Variants in MYO19 observed in about 807,000 individuals in gnomAD.
MYO19 encodes the protein unconventional myosin-XIX.
In MYO19, 132 loss-of-function variants were observed where a neutral mutation model predicts 129.2. The ratio of observed to expected loss-of-function variants is 1.02; its 90% CI spans 0.89 to 1.18. The LOEUF (loss-of-function observed/expected upper bound fraction) is 1.18. MYO19 is among the 50% of genes most tolerant of loss of function. The pLI is 0.00. For synonymous variants in MYO19, 531 were observed against 477.2 expected (o/e 1.11, Z -1.47); for missense variants, 1,210 against 1,216.7 (o/e 0.99, Z 0.08).
At chr17:36,504,780 G>C (rs1196785177) in intron 19 of MYO19, 3 of 203,730 alleles carry the variant, frequency 1.5e-5, no homozygotes, top group Middle Eastern at 4.1e-3. Context: ...AGGTGTGGTG[G>C]TGCATACCTG....
rs754700889 is a variant in MYO19, at chr17:36,498,257, A to G, written c.2757+9T>C. 1.9e-6 allele frequency: 3 copies of G among 1,603,320 alleles called. No homozygotes were observed. The highest frequency in any genetic ancestry group is 8.5e-7 in the Non-Finnish European group (1 of 1,173,344). On this transcript the variant is annotated intron_variant, in intron 25 of 25. Coordinates refer to ENST00000614623, the MANE Select transcript of MYO19 (RefSeq NM_001163735.2). Reference sequence around the variant, plus strand: ...AACAAAGCTGTCATGGCCATCACACACAACGTACCTGAGGCAGCGCTCGGA... The same window carrying G: ...AACAAAGCTGTCATGGCCATCACACGCAACGTACCTGAGGCAGCGCTCGGA...
intron 2 of MYO19, 64 bp from the exon 3 acceptor site, chr17:36,532,745 C>G: frequency 1.6e-6 from 1 of 622,722 alleles, no homozygotes; most frequent in South Asian, 2.0e-5. Flanking sequence ...GTGACTCACT[C>G]ACTCCTTCCC....
At chr17:36,524,136 G>A (rs1397295422) in intron 6 of MYO19, among the ~76,000 whole-genome samples, 2 of 152,154 alleles carry the variant, frequency 1.3e-5, no homozygotes, top group South Asian at 2.1e-4. Flanking sequence ...ACAAGGCTTC[G>A]TTGAGAAGCT....
chr17:36,532,772 C>G (rs554580171), intron 2 of MYO19, 91 bp from the exon 3 acceptor site: 1 of 595,440 alleles, frequency 1.7e-6, no homozygotes, highest in South Asian at 2.0e-5. Context: ...CAGAAGCAAC[C>G]AAAATGAGAT....
At chr17:36,521,954 C>G (rs1198392555) in intron 6 of MYO19, among the ~76,000 whole-genome samples, 1 of 149,316 alleles carries the variant, frequency 6.7e-6, no homozygotes, top group Non-Finnish European at 1.5e-5. Flanking sequence ...TTGCTTGAAC[C>G]CGGGAGGCGG....
intron 21 of MYO19, among the ~76,000 whole-genome samples, chr17:36,502,212 C>T (rs1391593896): frequency 6.6e-6 from 1 of 152,138 alleles, no homozygotes; most frequent in African/African-American, 2.4e-5. Context: ...GGCCCTGTGG[C>T]TCCCACAGCC....
chr17:36,516,742 ATTGT>A (rs2072777717), intron 6 of MYO19, among the ~76,000 whole-genome samples: 1 of 152,194 alleles, frequency 6.6e-6, no homozygotes, highest in Non-Finnish European at 1.5e-5. Flanking sequence ...TTAACTTCTA[ATTGT>A]TTGTGGCTAG....
At chr17:36,519,741 T>C (rs2073026141) in intron 6 of MYO19, among the ~76,000 whole-genome samples, 1 of 152,136 alleles carries the variant, frequency 6.6e-6, no homozygotes, top group Non-Finnish European at 1.5e-5. Flanking sequence ...CTAAAGAATT[T>C]ATCACTTCTT....
At position 36,513,442 on chromosome 17, in the gene MYO19, T is replaced by C. The variant is rs773224902; in HGVS notation, c.881A>G (p.Asn294Ser). Residue 294 changes from asparagine (N) to serine (S), a missense_variant, in exon 11 of 26, where the codon AAC becomes AGC. Physicochemically the swap from Asn to Ser is conservative, Grantham distance 46. Transcript: ENST00000614623. Reference sequence around the variant, plus strand: ...TTTTCTTCTGACCTTAAAGATGTTGTTCTGGGTAGGGGTGTCAATGCCCAA... The same window carrying C: ...TTTTCTTCTGACCTTAAAGATGTTGCTCTGGGTAGGGGTGTCAATGCCCAA... ...LHLGIDTPTQ[N>S]NIFKVLAGLL... 3.8e-5 allele frequency: 61 copies of C among 1,613,936 alleles called. 1 individual carries two copies. The South Asian group carries it at 6.6e-4, about 17-fold the overall frequency.
In MYO19 at chr17:36,499,069, A is replaced by T. The variant is rs377345414; in HGVS notation, c.2463+6T>A. 219 of 1,602,422 alleles carry T rather than the reference A, an allele frequency of 1.4e-4. 2 individuals carry two copies. The highest frequency in any genetic ancestry group is 4.2e-4 in the South Asian group (37 of 89,026). On this transcript the variant is annotated splice_donor_region_variant and intron_variant, in intron 24 of 25. Transcript: ENST00000614623. ...TGCCCACCCCGACTTCTTGGGTCTT[A>T]CTTACTCTCCACTTCTGCCATGCAC... is the stretch of plus-strand genomic sequence containing the variant.
intron 6 of MYO19, among the ~76,000 whole-genome samples, chr17:36,523,702 A>G (rs1171690382): frequency 1.3e-5 from 2 of 152,204 alleles, no homozygotes; most frequent in East Asian, 3.8e-4. Flanking sequence ...AAATTATGAA[A>G]TAATTATATA....
At chr17:36,508,079 C>T (rs2072044874) in intron 14 of MYO19, 155 bp from the exon 15 acceptor site, 2 of 715,266 alleles carry the variant, frequency 2.8e-6, no homozygotes, top group African/African-American at 3.6e-5. Context: ...GTGGGCAGAA[C>T]ATACCTTCCC....
intron 3 of MYO19, among the ~76,000 whole-genome samples, chr17:36,528,545 G>C (rs1188031721): frequency 2.0e-5 from 3 of 151,642 alleles, no homozygotes; most frequent in Admixed American, 2.0e-4. Context: ...TGAAGGCCGC[G>C]ACAGCTGGTA....
intron 11 of MYO19, chr17:36,513,205 C>G (rs1176583444): frequency 4.2e-5 from 61 of 1,439,474 alleles, no homozygotes; most frequent in South Asian, 1.3e-4. Context: ...GCATTCTGTA[C>G]TCTAGCACTG....
At position 36,513,374 on chromosome 17, in the gene MYO19, C is replaced by A. The variant is rs199866785; in HGVS notation, c.894+55G>T. ...TCCAAGTCCAGGGAAAAGCTCTATG[C>A]AAAGGGCTGCCCGTCATCTCTGCCA... On this transcript the variant is annotated intron_variant, in intron 11 of 25. Transcript: ENST00000614623. The A allele has an allele frequency of 1.1e-4, 173 of 1,613,742 alleles. 1 individual carries two copies. In the African/African-American group the frequency reaches 2.1e-3, roughly 20 times the overall value.
At position 36,527,574 on chromosome 17, in the gene MYO19, ACT is replaced by A. The variant is rs1304435444; in HGVS notation, c.275_276del (p.Glu92ValfsTer19). ...ACCTGGGGCTGAGGCGCAGCATGGT[ACT>A]CTCTCATTAGCTCGGGCGAGTAGAG... ...PQLYSPELMREYHAAPQPQKL... is the reference protein window; with the variant it reads ...PQLYSPELMRXYHAAPQPQKL... On this transcript the variant is annotated frameshift_variant, in exon 5 of 26. Coordinates refer to ENST00000614623, the MANE Select transcript of MYO19 (RefSeq NM_001163735.2). LOFTEE classifies it high-confidence loss of function. 32 of 1,613,686 alleles carry A rather than the reference ACT, an allele frequency of 2.0e-5. No homozygotes were observed. The East Asian group carries it at 4.2e-4, about 21-fold the overall frequency.
rs756571231 is a variant in MYO19 at position 36,513,661 on chromosome 17, G to A, written c.785C>T (p.Ser262Phe). 6 of 1,613,800 alleles carry A rather than the reference G, an allele frequency of 3.7e-6. No individual in the cohort carries two copies. In the South Asian group the frequency reaches 4.4e-5, roughly 12 times the overall value. ...GCTCCTCTCTGGGTTGGGCAGCCAG[G>A]AGAAGGCAGCTCCCTCAGGAAGGTG... ...QWHLPEGAAF[S>F]WLPNPERSLE... Residue 262 changes from serine to phenylalanine, a missense_variant, in exon 10 of 26, where the codon TCC (serine) becomes TTC (phenylalanine). Physicochemically the swap from Ser to Phe is radical, Grantham distance 155. Transcript: ENST00000614623.
upstream of MYO19, among the ~76,000 whole-genome samples, chr17:36,536,852 G>A (rs2074144997): frequency 6.6e-6 from 1 of 152,154 alleles, no homozygotes; most frequent in African/African-American, 2.4e-5. Context: ...CTTGTACAGG[G>A]AATAGCTGAA....
intron 21 of MYO19, among the ~76,000 whole-genome samples, chr17:36,502,250 C>T (rs2071585470): frequency 6.6e-6 from 1 of 152,150 alleles, no homozygotes; most frequent in Admixed American, 6.5e-5. Flanking sequence ...CCGACAACCC[C>T]CATATGAGGG....
Sources: gnomAD v4.1 joint callset for allele counts (sites outside exome capture counted in the v4.1 genomes callset) on GRCh38, gnomAD v4.1.1 for gene constraint, MANE v1.5 for transcripts, NCBI Gene and HGNC (gene_info 2026-07-23, HGNC 2026-07-21) for gene names.